TSPAN12: variants seen among roughly 807,000 people sequenced by gnomAD.
TSPAN12 encodes tetraspanin 12, also known as tetraspanin-12.
In TSPAN12, 19 loss-of-function variants were observed where a neutral mutation model predicts 39.2. That is an observed-to-expected ratio of 0.49 (90% CI 0.34 to 0.71). TSPAN12 has a LOEUF of 0.71. Ranked by LOEUF, TSPAN12 falls within the 30% of genes least tolerant of loss-of-function variation. The probability of loss-of-function intolerance (pLI) is 0.01; values close to 1 mark genes in which losing one functional copy is unlikely to be tolerated. For missense variants in TSPAN12, 314 were observed against 359.9 expected (o/e 0.87, Z 1.03); for synonymous variants, 119 against 124.8 (o/e 0.95, Z 0.31).
At chr7:120,854,174 G>A (rs1319782800) in intron 2 of TSPAN12, among the ~76,000 whole-genome samples, 2 of 152,132 alleles carry the variant, frequency 1.3e-5, no homozygotes, top group Non-Finnish European at 2.9e-5. Context: ...TTACCAACAA[G>A]ATGGCAACAA....
chr7:120,821,936 G>C (rs1025291976), intron 4 of TSPAN12, among the ~76,000 whole-genome samples: 2 of 152,076 alleles, frequency 1.3e-5, no homozygotes, highest in East Asian at 1.9e-4. Context: ...GACTGTTTTT[G>C]GTATTTTCCA....
intron 4 of TSPAN12, among the ~76,000 whole-genome samples, chr7:120,821,782 A>G (rs1054447787): frequency 1.3e-5 from 2 of 152,122 alleles, no homozygotes; most frequent in African/African-American, 4.8e-5. Context: ...ATGTTTCTTG[A>G]GTAGAGGTAA....
intron 2 of TSPAN12, among the ~76,000 whole-genome samples, chr7:120,855,808 G>A (rs1272354352): frequency 2.0e-5 from 3 of 152,066 alleles, no homozygotes; most frequent in African/African-American, 4.8e-5. Context: ...CAGTCAGCAC[G>A]CCAGCCAGTC....
intron 4 of TSPAN12, among the ~76,000 whole-genome samples, chr7:120,822,407 T>G (rs1403393975): frequency 2.6e-5 from 4 of 151,954 alleles, no homozygotes; most frequent in Non-Finnish European, 5.9e-5. Flanking sequence ...CCCTTGAAAC[T>G]TCACTAAAAC....
intron 5 of TSPAN12, among the ~76,000 whole-genome samples, chr7:120,812,124 A>C (rs1793994948): frequency 6.6e-6 from 1 of 152,226 alleles, no homozygotes; most frequent in Non-Finnish European, 1.5e-5. Flanking sequence ...TCTATTCTCC[A>C]ATCACCTAGC....
chr7:120,829,595 A>G (rs1205818580), intron 4 of TSPAN12, among the ~76,000 whole-genome samples: 3 of 152,192 alleles, frequency 2.0e-5, no homozygotes, highest in African/African-American at 7.2e-5. Flanking sequence ...GACATGTGGA[A>G]GTAAATGAGA....
chr7:120,824,314 C>A (rs927613918), intron 4 of TSPAN12, among the ~76,000 whole-genome samples: 10 of 151,628 alleles, frequency 6.6e-5, no homozygotes, highest in African/African-American at 2.4e-4. Flanking sequence ...TGATGGCACA[C>A]CCCTATAGTC....
rs941610533 is a variant in TSPAN12, at chr7:120,787,524, A to G, written c.*1068T>C. The G allele has an allele frequency of 6.6e-6, 1 of 152,194 alleles. No individual in the cohort carries two copies. Among genetic ancestry groups the G allele is most frequent in the African/African-American group, 2.4e-5 (1 of 41,186 alleles). The allele number at this position is 152,194 out of a possible 1,614,324, so 9.4% of individuals were successfully genotyped here. On this transcript the variant is annotated 3_prime_UTR_variant, in exon 8 of 8. Transcript: ENST00000222747. ...AAACAAAGAATCTCTAAATTGTCAC[A>G]TGTTTTAATGATTCTCACAAGCATT...
At chr7:120,794,228 T>C (rs1297997830) in intron 7 of TSPAN12, among the ~76,000 whole-genome samples, 1 of 152,206 alleles carries the variant, frequency 6.6e-6, no homozygotes, top group Admixed American at 6.5e-5. Flanking sequence ...AATTTCTCTA[T>C]AGTACATGCA....
chr7:120,818,363 C>A (rs997704314), intron 4 of TSPAN12, among the ~76,000 whole-genome samples: 1 of 151,874 alleles, frequency 6.6e-6, no homozygotes, highest in East Asian at 1.9e-4. Context: ...GAAAAAATGA[C>A]CTGTAGAAAA....
At chr7:120,803,040 C>T (rs930881049) in intron 7 of TSPAN12, among the ~76,000 whole-genome samples, 25 of 152,112 alleles carry the variant, frequency 1.6e-4, no homozygotes, top group African/African-American at 5.3e-4. Context: ...AGAGACCTTG[C>T]GGTTCATCTA....
intron 5 of TSPAN12, among the ~76,000 whole-genome samples, chr7:120,815,442 T>G (rs1245270237): frequency 1.3e-5 from 2 of 152,070 alleles, no homozygotes; most frequent in Non-Finnish European, 2.9e-5. Flanking sequence ...TGATAGTGGG[T>G]GAGTTCCCAA....
intron 7 of TSPAN12, among the ~76,000 whole-genome samples, chr7:120,797,315 G>A (rs1456333817): frequency 1.3e-5 from 2 of 152,174 alleles, no homozygotes; most frequent in African/African-American, 4.8e-5. Context: ...TTCTCTCCAT[G>A]ACTGGAACTG....
intron 2 of TSPAN12, among the ~76,000 whole-genome samples, chr7:120,855,938 C>A (rs1332671785): frequency 6.6e-6 from 1 of 152,148 alleles, no homozygotes; most frequent in Non-Finnish European, 1.5e-5. Flanking sequence ...CCTGAAGCAA[C>A]ATTTACTGTT....
chr7:120,826,153 A>T lies in TSPAN12; in HGVS notation c.286-10350T>A, dbSNP rs185976596. Among the ~76,000 whole-genome samples, 320 of 152,226 alleles carry T rather than the reference A, an allele frequency of 2.1e-3. 4 individuals carry two copies. Among genetic ancestry groups the T allele is most frequent in the Non-Finnish European group, 7.2e-4 (49 of 68,016 alleles). On this transcript the variant is annotated intron_variant, in intron 4 of 7. Coordinates refer to ENST00000222747, the MANE Select transcript of TSPAN12 (RefSeq NM_012338.4). The stretch of plus-strand genomic sequence containing the variant: ...GTATCTTAATTTACTCCCCTTTTCA[A>T]TTTCATTTACATTAATAATTGCTGA...
intron 6 of TSPAN12, among the ~76,000 whole-genome samples, chr7:120,810,049 T>C (rs910303847): frequency 2.6e-5 from 4 of 152,164 alleles, no homozygotes; most frequent in Admixed American, 1.3e-4. Context: ...ATTAATGATA[T>C]ACTGACTTCA....
intron 6 of TSPAN12, among the ~76,000 whole-genome samples, chr7:120,807,505 G>A (rs1414678659): frequency 6.6e-6 from 1 of 152,086 alleles, no homozygotes; most frequent in African/African-American, 2.4e-5. Context: ...GAGTGGAGAA[G>A]GAGGTTGCTC....
chr7:120,839,532 C>A (rs897182368), intron 3 of TSPAN12, among the ~76,000 whole-genome samples: 1 of 152,048 alleles, frequency 6.6e-6, no homozygotes, highest in African/African-American at 2.4e-5. Context: ...TTCATTTAAT[C>A]CTTACCACAA....
chr7:120,807,160 A>G (rs1188835152), intron 6 of TSPAN12, among the ~76,000 whole-genome samples: 2 of 152,144 alleles, frequency 1.3e-5, no homozygotes, highest in African/African-American at 4.8e-5. Context: ...CCACATCACA[A>G]AAAGTTAGCA....
Sources: allele counts gnomAD v4.1 joint callset (sites outside exome capture counted in the v4.1 genomes callset), GRCh38; gene constraint gnomAD v4.1.1; transcripts MANE v1.5; gene names NCBI Gene and HGNC (gene_info 2026-07-23, HGNC 2026-07-21).